Variants in PTPRD observed in about 807,000 individuals in gnomAD.
PTPRD encodes receptor-type tyrosine-protein phosphatase delta.
Under a neutral mutation model 214.5 loss-of-function variants are expected in PTPRD, and 34 were observed. The observed-to-expected ratio is 0.16, with a 90% CI of 0.12 to 0.21. The LOEUF is 0.21. Among genes scored for constraint, PTPRD ranks in the 10% least tolerant of loss-of-function variants. The pLI is 1.00. For synonymous variants in PTPRD, 1,128 were observed against 845.7 expected (o/e 1.33, Z -5.79); for missense variants, 2,545 against 2,398.7 (o/e 1.06, Z -1.27).
chr9:10,557,368 C>G (rs2062847297), intron 2 of PTPRD, among the ~76,000 whole-genome samples: 1 of 152,134 alleles, frequency 6.6e-6, no homozygotes, highest in African/African-American at 2.4e-5. Flanking sequence ...GTCTCCAACG[C>G]AGCATTCTTT....
chr9:8,355,549 C>CCTCTCA (rs1253214960), intron 39 of PTPRD, among the ~76,000 whole-genome samples: 4 of 152,094 alleles, frequency 2.6e-5, no homozygotes, highest in Non-Finnish European at 4.4e-5. Context: ...ACAGGGTTTG[C>CCTCTCA]CTCTCATGCA....
chr9:9,955,348 A>G (rs547398312), intron 4 of PTPRD, among the ~76,000 whole-genome samples: 1 of 152,158 alleles, frequency 6.6e-6, no homozygotes, highest in African/African-American at 2.4e-5. Flanking sequence ...TATTTAAGCT[A>G]TATTCTTAAA....
chr9:8,969,991 T>G (rs1469189051), intron 11 of PTPRD, among the ~76,000 whole-genome samples: 1 of 151,872 alleles, frequency 6.6e-6, no homozygotes, highest in Non-Finnish European at 1.5e-5. Context: ...AGATTAGTAT[T>G]TATCTCAAGT....
chr9:8,436,946 T>C (rs145150850), intron 34 of PTPRD, among the ~76,000 whole-genome samples: 56 of 152,276 alleles, frequency 3.7e-4, no homozygotes, highest in African/African-American at 1.3e-3. Flanking sequence ...GAAAGCGTTA[T>C]TGTGCTATGA....
intron 11 of PTPRD, among the ~76,000 whole-genome samples, chr9:8,774,527 CTTTTTTTTTTT>C (rs564318443): frequency 2.9e-5 from 3 of 105,218 alleles, no homozygotes; most frequent in South Asian, 3.4e-4. Flanking sequence ...TGAAAAGTAA[CTTTTTTTTTTT>C]TTTTTTTTTT....
intron 11 of PTPRD, among the ~76,000 whole-genome samples, chr9:8,873,712 G>T (rs1053694186): frequency 2.0e-5 from 3 of 152,066 alleles, no homozygotes; most frequent in South Asian, 2.1e-4. Flanking sequence ...GTAAGTGGTT[G>T]ATTTTAAAGA....
At chr9:10,492,632 G>C (rs879259438) in intron 2 of PTPRD, among the ~76,000 whole-genome samples, 1 of 152,112 alleles carries the variant, frequency 6.6e-6, no homozygotes, top group Non-Finnish European at 1.5e-5. Context: ...CAGACGGATA[G>C]ATGGCAAAAA....
chr9:10,079,906 A>G (rs1042875902), intron 3 of PTPRD, among the ~76,000 whole-genome samples: 2 of 151,830 alleles, frequency 1.3e-5, no homozygotes, highest in African/African-American at 4.8e-5. Context: ...ATAAAACTTC[A>G]GAGTATCCAA....
intron 10 of PTPRD, among the ~76,000 whole-genome samples, chr9:9,047,792 T>C (rs894036640): frequency 1.3e-5 from 2 of 151,988 alleles, no homozygotes; most frequent in East Asian, 1.9e-4. Flanking sequence ...AAAGAAAACA[T>C]TGGAGAAGCT....
chr9:8,379,621 A>G (rs552339513), intron 37 of PTPRD, among the ~76,000 whole-genome samples: 2 of 152,222 alleles, frequency 1.3e-5, no homozygotes, highest in East Asian at 3.9e-4. Flanking sequence ...TCCTTTGACA[A>G]CTTTCCTTCC....
intron 3 of PTPRD, among the ~76,000 whole-genome samples, chr9:10,148,315 A>G (rs2099037844): frequency 1.3e-5 from 2 of 152,218 alleles, no homozygotes; most frequent in Admixed American, 6.6e-5. Context: ...ATTAATAATC[A>G]TTTATTCAAC....
intron 11 of PTPRD, among the ~76,000 whole-genome samples, chr9:8,867,712 G>A (rs1443253480): frequency 1.3e-5 from 2 of 152,112 alleles, no homozygotes; most frequent in South Asian, 2.1e-4. Context: ...TCTTACCTGT[G>A]CCATTCATAG....
At chr9:8,585,608 C>T (rs1221463914) in intron 14 of PTPRD, among the ~76,000 whole-genome samples, 3 of 152,148 alleles carry the variant, frequency 2.0e-5, no homozygotes, top group South Asian at 2.1e-4. Context: ...CAAAGTAGTC[C>T]TAACTCTATA....
chr9:9,407,303 ATGAAT>A (rs1290978778), intron 8 of PTPRD, among the ~76,000 whole-genome samples: 3 of 151,744 alleles, frequency 2.0e-5, no homozygotes, highest in Admixed American at 6.6e-5. Flanking sequence ...ATTCTAATAT[ATGAAT>A]ATACAATGGT....
At chr9:10,176,044 T>C (rs908003805) in intron 3 of PTPRD, among the ~76,000 whole-genome samples, 1 of 152,002 alleles carries the variant, frequency 6.6e-6, no homozygotes, top group African/African-American at 2.4e-5. Context: ...GAACAATATT[T>C]GTTTGGGATA....
At chr9:9,943,938 A>G (rs946329514) in intron 4 of PTPRD, among the ~76,000 whole-genome samples, 3 of 152,082 alleles carry the variant, frequency 2.0e-5, no homozygotes, top group Non-Finnish European at 2.9e-5. Flanking sequence ...CTCACTAAAT[A>G]TATCTTCCTA....
intron 4 of PTPRD, among the ~76,000 whole-genome samples, chr9:9,986,688 C>A (rs1294675309): frequency 6.6e-6 from 1 of 152,050 alleles, no homozygotes; most frequent in Non-Finnish European, 1.5e-5. Flanking sequence ...AGAAGGCATT[C>A]AACTGGGTTA....
chr9:9,678,305 C>G (rs562527270), intron 7 of PTPRD, among the ~76,000 whole-genome samples: 1 of 152,180 alleles, frequency 6.6e-6, no homozygotes, highest in East Asian at 1.9e-4. Flanking sequence ...ATCATGCTAC[C>G]TGACTTCAAA....
chr9:8,689,781 T>A (rs926902128), intron 12 of PTPRD, among the ~76,000 whole-genome samples: 6 of 152,160 alleles, frequency 3.9e-5, no homozygotes, highest in African/African-American at 1.4e-4. Context: ...TTCTACACTT[T>A]GAGTGAAGAG....
Sources: allele counts gnomAD v4.1 joint callset (sites outside exome capture counted in the v4.1 genomes callset), GRCh38; gene constraint gnomAD v4.1.1; transcripts MANE v1.5; gene names NCBI Gene and HGNC (gene_info 2026-07-23, HGNC 2026-07-21).